Variants in VSTM2B observed in about 807,000 individuals in gnomAD.
VSTM2B encodes the protein V-set and transmembrane domain-containing protein 2B.
Under a neutral mutation model 24.0 loss-of-function variants are expected in VSTM2B, and 24 were observed. The ratio of observed to expected loss-of-function variants is 1.00; its 90% CI spans 0.72 to 1.40. VSTM2B has a LOEUF of 1.40. Among genes scored for constraint, VSTM2B ranks in the 40% most tolerant of loss-of-function variants. The pLI, the probability that VSTM2B is intolerant of heterozygous loss-of-function variation, is 0.00. For missense variants in VSTM2B, 399 were observed against 416.4 expected (o/e 0.96, Z 0.36); for synonymous variants, 226 against 194.4 (o/e 1.16, Z -1.35).
intron 4 of VSTM2B, among the ~76,000 whole-genome samples, chr19:29,556,710 C>T (rs553503204): frequency 1.1e-4 from 16 of 152,262 alleles, no homozygotes; most frequent in African/African-American, 2.2e-4. Context: ...GCAAAAATCA[C>T]GAGTATTCCT....
chr19:29,543,407 A>C (rs1970068853), intron 4 of VSTM2B, among the ~76,000 whole-genome samples: 1 of 152,248 alleles, frequency 6.6e-6, no homozygotes, highest in South Asian at 2.1e-4. Context: ...GTTTCTAAAG[A>C]AAAGTCCTCA....
chr19:29,562,231 A>ATATGAACTC (rs1970544886), intron 4 of VSTM2B, among the ~76,000 whole-genome samples: 1 of 152,194 alleles, frequency 6.6e-6, no homozygotes, highest in Admixed American at 6.5e-5. Context: ...GGGGGCCAGG[A>ATATGAACTC]CATGAACTCC....
chr19:29,526,536 C>A lies in VSTM2B; in HGVS notation c.-48C>A. On this transcript the variant is annotated 5_prime_UTR_variant, in exon 1 of 5. Coordinates refer to ENST00000335523, the MANE Select transcript of VSTM2B (RefSeq NM_001146339.2). This position sits in a 1 kb window ranked among gnomAD's most constrained non-coding sequence, Gnocchi z 4.1. ...AGCCGATCCGAGCCCACGCGGCCGC[C>A]GCCTCTCCGCTCCCGGGCCCCCGCC... 2.1e-6 allele frequency: 3 copies of A among 1,450,576 alleles called. No homozygotes were observed. Among genetic ancestry groups the A allele is most frequent in the Non-Finnish European group, 2.7e-6 (3 of 1,091,734 alleles). The allele number at this position is 1,450,576 out of a possible 1,614,324, so 89.9% of individuals were successfully genotyped here. A position where few individuals can be genotyped will look rare whatever the true frequency, so the allele number is the denominator to read the frequency against.
chr19:29,551,309 C>T (rs916767838), intron 4 of VSTM2B, among the ~76,000 whole-genome samples: 1 of 152,188 alleles, frequency 6.6e-6, no homozygotes, highest in Non-Finnish European at 1.5e-5. Context: ...GGAACTTTCA[C>T]CTTTACTTTT....
intron 2 of VSTM2B, among the ~76,000 whole-genome samples, chr19:29,527,776 C>T (rs752516615): frequency 2.0e-5 from 3 of 152,104 alleles, no homozygotes; most frequent in Non-Finnish European, 4.4e-5. Flanking sequence ...GACCCCAGGG[C>T]TCCCACGGCT....
At chr19:29,538,092 T>G (rs1335742272) in intron 4 of VSTM2B, among the ~76,000 whole-genome samples, 1 of 152,194 alleles carries the variant, frequency 6.6e-6, no homozygotes, top group Non-Finnish European at 1.5e-5. Context: ...GCCAACAAAT[T>G]TGCCCCCTTT....
chr19:29,545,679 G>A lies in VSTM2B; in HGVS notation c.769+15389G>A, dbSNP rs536187238. On this transcript the variant is annotated intron_variant, in intron 4 of 4. Transcript: ENST00000335523. ...CATGGTTTGGTTCTTTTTTATGGCT[G>A]CATAGTATTCCATGGTATGTATGCA... Among the ~76,000 whole-genome samples the A allele has an allele frequency of 8.5e-5, 13 of 152,290 alleles. 1 individual carries two copies. The highest frequency in any genetic ancestry group is 2.4e-4 in the African/African-American group (10 of 41,560).
intron 4 of VSTM2B, among the ~76,000 whole-genome samples, chr19:29,537,687 A>T (rs1322991775): frequency 3.0e-5 from 4 of 133,892 alleles, no homozygotes; most frequent in Admixed American, 1.6e-4. Flanking sequence ...GCTTTTCCCC[A>T]CAACCACCCG....
chr19:29,562,773 C>A (rs1462864024), intron 4 of VSTM2B, among the ~76,000 whole-genome samples: 1 of 152,118 alleles, frequency 6.6e-6, no homozygotes, highest in Admixed American at 6.5e-5. Context: ...GCACGGGAGG[C>A]CTTAAAACAG....
Position 29,526,844 on chromosome 19 carries a change from G to C in VSTM2B, c.82+179G>C. 1.8e-6 allele frequency: 1 copy of C among 560,530 alleles called. No homozygotes were observed. Among genetic ancestry groups the C allele is most frequent in the Non-Finnish European group, 2.9e-6 (1 of 339,128 alleles). 34.7% of individuals were successfully genotyped at this position (560,530 alleles called of 1,614,324 possible). A position where few individuals can be genotyped will look rare whatever the true frequency, so the allele number is the denominator to read the frequency against. On this transcript the variant is annotated intron_variant, in intron 1 of 4. Transcript: ENST00000335523. This position sits in a 1 kb window ranked among gnomAD's most constrained non-coding sequence, Gnocchi z 4.1. ...GCGGCGAAGGGTCGCCGCAGCAGCAGCGCCGCGCCCGAGTCGTTCCCAGTC... is the reference window on the plus strand; with the variant it reads ...GCGGCGAAGGGTCGCCGCAGCAGCACCGCCGCGCCCGAGTCGTTCCCAGTC...
Position 29,554,265 on chromosome 19 carries a change from A to G in VSTM2B, c.770-9581A>G, listed in dbSNP as rs146470122. On this transcript the variant is annotated intron_variant, in intron 4 of 4. Transcript: ENST00000335523. ...ACAAGCCAGAAGAAACTGGGGGCCA[A>G]TATTCAACATTCTTAAAAGAATTTC... Among the ~76,000 whole-genome samples the G allele has an allele frequency of 6.8e-3, 1,030 of 152,364 alleles. 7 individuals are homozygous for G. Among genetic ancestry groups the G allele is most frequent in the Middle Eastern group, 0.02 (6 of 294 alleles).
At chr19:29,530,611 A>G (rs897638569) in intron 4 of VSTM2B, among the ~76,000 whole-genome samples, 1 of 152,052 alleles carries the variant, frequency 6.6e-6, no homozygotes, top group Non-Finnish European at 1.5e-5. Context: ...CTGGACCCTG[A>G]GGGCTGAGCT....
chr19:29,546,687 G>A (rs535370152), intron 4 of VSTM2B, among the ~76,000 whole-genome samples: 1 of 95,454 alleles, frequency 1.0e-5, no homozygotes, highest in Non-Finnish European at 2.0e-5. Flanking sequence ...CCCCCACCCC[G>A]GTGCTCACTG....
intron 4 of VSTM2B, among the ~76,000 whole-genome samples, chr19:29,550,691 C>G (rs2145500591): frequency 6.6e-6 from 1 of 152,160 alleles, no homozygotes; most frequent in East Asian, 1.9e-4. Flanking sequence ...AAGTGAAAGA[C>G]AGAAGCACTA....
chr19:29,527,450 G>T (rs955373942), intron 2 of VSTM2B, 55 bp downstream of exon 2: 3 of 1,400,254 alleles, frequency 2.1e-6, no homozygotes, highest in Non-Finnish European at 1.8e-6. Flanking sequence ...CCGGGGCGGC[G>T]AAGGCTAACC....
At chr19:29,530,788 A>G (rs891438557) in intron 4 of VSTM2B, among the ~76,000 whole-genome samples, 1 of 152,092 alleles carries the variant, frequency 6.6e-6, no homozygotes, top group African/African-American at 2.4e-5. Flanking sequence ...AAGGGTGTGG[A>G]GGGGCCTGGC....
intron 4 of VSTM2B, among the ~76,000 whole-genome samples, chr19:29,540,086 A>T (rs1969987988): frequency 6.6e-6 from 1 of 152,210 alleles, no homozygotes; most frequent in Non-Finnish European, 1.5e-5. Flanking sequence ...ATTACAATTG[A>T]TTCTCATACA....
intron 4 of VSTM2B, among the ~76,000 whole-genome samples, chr19:29,563,407 C>A (rs750873488): frequency 6.6e-6 from 1 of 152,024 alleles, no homozygotes; most frequent in Non-Finnish European, 1.5e-5. Context: ...CCACACACAG[C>A]TAATTTTTTA....
At chr19:29,534,993 C>T (rs1055078329) in intron 4 of VSTM2B, among the ~76,000 whole-genome samples, 1 of 152,178 alleles carries the variant, frequency 6.6e-6, no homozygotes, top group Admixed American at 6.5e-5. Flanking sequence ...CACATGTGTA[C>T]CTAATACACC....
Sources: gnomAD v4.1 joint callset for allele counts (sites outside exome capture counted in the v4.1 genomes callset) on GRCh38, gnomAD v4.1.1 for gene constraint, Gnocchi (gnomAD v3.1) non-coding constraint, MANE v1.5 for transcripts, NCBI Gene and HGNC (gene_info 2026-07-23, HGNC 2026-07-21) for gene names.